The following ICMT variants were observed in gnomAD, a reference collection of about 807,000 sequenced individuals.
The protein encoded by ICMT is protein-S-isoprenylcysteine O-methyltransferase.
In ICMT, 10 loss-of-function variants were observed where a neutral mutation model predicts 32.2. The observed-to-expected ratio is 0.31, with a 90% CI of 0.19 to 0.53. The LOEUF is 0.53. Ranked by LOEUF, ICMT falls within the 20% of genes least tolerant of loss-of-function variation. The probability of loss-of-function intolerance (pLI) is 0.96; values close to 1 mark genes in which losing one functional copy is unlikely to be tolerated. For synonymous variants in ICMT, 183 were observed against 158.2 expected (o/e 1.16, Z -1.18); for missense variants, 265 against 356.9 (o/e 0.74, Z 2.07).
At chr1:6,234,050 T>A (rs555032450) in intron 2 of ICMT, among the ~76,000 whole-genome samples, 20 of 152,322 alleles carry the variant, frequency 1.3e-4, no homozygotes, top group Admixed American at 2.6e-4. Flanking sequence ...GGTTTCGCTA[T>A]GTTGGCAAGG....
chr1:6,230,301 G>A (rs1426013365), intron 4 of ICMT, among the ~76,000 whole-genome samples: 1 of 152,148 alleles, frequency 6.6e-6, no homozygotes, highest in African/African-American at 2.4e-5. Flanking sequence ...TTTTAATAGA[G>A]ATGGGGTTTT....
chr1:6,228,705 T>C (rs901368882), intron 4 of ICMT, among the ~76,000 whole-genome samples: 2 of 152,014 alleles, frequency 1.3e-5, no homozygotes, highest in African/African-American at 4.8e-5. Context: ...CCAAAGCCAC[T>C]GTGCCTAGCC....
At chr1:6,232,516 G>A (rs763240226) in intron 3 of ICMT, among the ~76,000 whole-genome samples, 1 of 152,232 alleles carries the variant, frequency 6.6e-6, no homozygotes, top group Non-Finnish European at 1.5e-5. Flanking sequence ...CATTGGCTGT[G>A]AGACATTCAA....
At position 6,231,996 on chromosome 1, in the gene ICMT, T is replaced by C; in HGVS notation, c.578A>G (p.Lys193Arg). The C allele has an allele frequency of 6.2e-7, 1 of 1,614,154 alleles. No individual in the cohort carries two copies. Among genetic ancestry groups the C allele is most frequent in the Non-Finnish European group, 8.5e-7 (1 of 1,180,008 alleles). Residue 193 changes from lysine (K) to arginine (R), a missense_variant, in exon 4 of 5, where the codon AAA (lysine) becomes AGA (arginine). Physicochemically the swap from Lys to Arg is conservative, Grantham distance 26. Transcript: ENST00000343813. ...GGTCACCAGAGTATGTGTATCTGAT[T>C]TTTCATTCTGTACCACGTGGTTGAA... ...SNFNHVVQNE[K>R]SDTHTLVTSG...
At chr1:6,234,275 A>G in intron 2 of ICMT, 2 of 356,080 alleles carry the variant, frequency 5.6e-6, no homozygotes, top group South Asian at 4.3e-5. Context: ...ACAATAAAAC[A>G]TGAAAGAGGG....
chr1:6,234,772 C>T, intron 2 of ICMT, 114 bp downstream of exon 2: 2 of 814,630 alleles, frequency 2.5e-6, no homozygotes, highest in Non-Finnish European at 4.2e-6. Flanking sequence ...TTCCAGAGAA[C>T]CCTGAACAGC....
At chr1:6,229,499 A>AAATAC (rs1237216335) in intron 4 of ICMT, among the ~76,000 whole-genome samples, 5 of 151,838 alleles carry the variant, frequency 3.3e-5, no homozygotes, top group Non-Finnish European at 7.4e-5. Context: ...ATTAATTAAA[A>AAATAC]AATACAAAAA....
In ICMT at chr1:6,222,941, G is replaced by C. The variant is rs1257702282; in HGVS notation, c.*2139C>G. ...AGGCGTGGTCTAAAGGACAAGTTTAGAAATGATTCAACTCAAGTTCCTAAA... is the reference window on the plus strand; with the variant it reads ...AGGCGTGGTCTAAAGGACAAGTTTACAAATGATTCAACTCAAGTTCCTAAA... On this transcript the variant is annotated 3_prime_UTR_variant, in exon 5 of 5. Coordinates refer to ENST00000343813, the MANE Select transcript of ICMT (RefSeq NM_012405.4). 1 of 152,268 alleles carries C rather than the reference G, an allele frequency of 6.6e-6. No individual in the cohort carries two copies. Among genetic ancestry groups the C allele is most frequent in the African/African-American group, 2.4e-5 (1 of 41,460 alleles). The allele number at this position is 152,268 out of a possible 1,614,324, so 9.4% of individuals were successfully genotyped here.
chr1:6,229,825 T>TAC (rs1171559473), intron 4 of ICMT, among the ~76,000 whole-genome samples: 4 of 128,740 alleles, frequency 3.1e-5, no homozygotes, highest in African/African-American at 1.2e-4. Flanking sequence ...CACACACACA[T>TAC]AGAGCAGGTG....
At chr1:6,235,003 A>C in intron 1 of ICMT, 29 bp from the exon 2 acceptor site, 1 of 1,573,776 alleles carries the variant, frequency 6.4e-7, no homozygotes. Context: ...AAGCTCAGTC[A>C]TTCACAGTCC....
chr1:6,232,762 G>A lies in ICMT; in HGVS notation c.455-643C>T, dbSNP rs569899349. Reference sequence around the variant, plus strand: ...GGGGTTTTACCATGCTGGTCAGGCTGGTTTCAAACTCCTGACCTCATGTGA... The same window carrying A: ...GGGGTTTTACCATGCTGGTCAGGCTAGTTTCAAACTCCTGACCTCATGTGA... On this transcript the variant is annotated intron_variant, in intron 3 of 4. Coordinates refer to ENST00000343813, the MANE Select transcript of ICMT (RefSeq NM_012405.4). Among the ~76,000 whole-genome samples, 33 of 152,270 alleles carry A rather than the reference G, an allele frequency of 2.2e-4. No homozygotes were observed. The South Asian group carries it at 6.4e-3, about 30-fold the overall frequency.
intron 4 of ICMT, among the ~76,000 whole-genome samples, chr1:6,231,521 A>G (rs886794712): frequency 1.1e-4 from 16 of 151,710 alleles, no homozygotes; most frequent in Non-Finnish European, 2.4e-4. Flanking sequence ...TGCCCAGGCA[A>G]CACAGTAAGA....
At position 6,225,278 on chromosome 1, in the gene ICMT, ACC is replaced by A. The variant is rs1557600531; in HGVS notation, c.673-18_673-17del. 1.9e-6 allele frequency: 3 copies of A among 1,609,724 alleles called. No homozygotes were observed. Among genetic ancestry groups the A allele is most frequent in the Non-Finnish European group, 2.5e-6 (3 of 1,178,156 alleles). ...ACAGCATCACCTAACAGAGGGAGAC[ACC>A]AGGCTCATCAGGGTGACCGTGGGAT... is the stretch of plus-strand genomic sequence containing the variant. On this transcript the variant is annotated splice_polypyrimidine_tract_variant and intron_variant, in intron 4 of 4. Coordinates refer to ENST00000343813, the MANE Select transcript of ICMT (RefSeq NM_012405.4).
At chr1:6,225,971 C>T (rs900693777) in intron 4 of ICMT, among the ~76,000 whole-genome samples, 1 of 152,056 alleles carries the variant, frequency 6.6e-6, no homozygotes, top group African/African-American at 2.4e-5. Context: ...TCTCCCACCT[C>T]AGCCTCCCAA....
At chr1:6,232,529 T>C (rs978735714) in intron 3 of ICMT, among the ~76,000 whole-genome samples, 3 of 152,166 alleles carry the variant, frequency 2.0e-5, no homozygotes, top group Non-Finnish European at 4.4e-5. Flanking sequence ...ACATTCAATT[T>C]CAGAGTGCAT....
In ICMT at chr1:6,224,762, A is replaced by G. The variant is rs927344766; in HGVS notation, c.*318T>C. On this transcript the variant is annotated 3_prime_UTR_variant, in exon 5 of 5. Coordinates refer to ENST00000343813, the MANE Select transcript of ICMT (RefSeq NM_012405.4). Reference sequence around the variant, plus strand: ...CGAGTCCTGGTTATCCTTTACTTACACTCTGGCCTCGGGGGCAGTGGCGTG... The same window carrying G: ...CGAGTCCTGGTTATCCTTTACTTACGCTCTGGCCTCGGGGGCAGTGGCGTG... 16 of 277,884 alleles carry G rather than the reference A, an allele frequency of 5.8e-5. No homozygotes were observed. Among genetic ancestry groups the G allele is most frequent in the Non-Finnish European group, 8.6e-5 (13 of 150,332 alleles). The allele number at this position is 277,884 out of a possible 1,614,324, so 17.2% of individuals were successfully genotyped here.
chr1:6,227,945 A>G (rs1231847638), intron 4 of ICMT, among the ~76,000 whole-genome samples: 1 of 151,998 alleles, frequency 6.6e-6, no homozygotes, highest in Non-Finnish European at 1.5e-5. Context: ...CAGTGAGAGG[A>G]CTGCTTGAGC....
rs939342472 is a variant in ICMT at position 6,222,149 on chromosome 1, G to T, written c.*2931C>A. On this transcript the variant is annotated 3_prime_UTR_variant, in exon 5 of 5. Transcript: ENST00000343813. ...TAAGGAGTTCATCTTGGCTGGGCGTGGTGGCTCACGCCTGTAATCCCAGCA... is the reference window on the plus strand; with the variant it reads ...TAAGGAGTTCATCTTGGCTGGGCGTTGTGGCTCACGCCTGTAATCCCAGCA... The T allele has an allele frequency of 6.6e-6, 1 of 152,270 alleles. No homozygotes were observed. The highest frequency in any genetic ancestry group is 6.5e-5 in the Admixed American group (1 of 15,270). 9.4% of individuals were successfully genotyped at this position (152,270 alleles called of 1,614,324 possible).
In ICMT at chr1:6,235,746, G is replaced by A; in HGVS notation, c.166C>T (p.Leu56=). 7.5e-7 allele frequency: 1 copy of A among 1,332,212 alleles called. No homozygotes were observed. The highest frequency in any genetic ancestry group is 9.7e-7 in the Non-Finnish European group (1 of 1,031,900). 82.5% of individuals were successfully genotyped at this position (1,332,212 alleles called of 1,614,324 possible). The change falls in exon 1 of 5, where the codon CTG becomes TTG. Residue 56 remains leucine, a synonymous_variant. Transcript: ENST00000343813. The stretch of plus-strand genomic sequence containing the variant: ...TAGCGAGGCGGCCGATAGAGCAGCA[G>A]CAGCAGCGCGTTGAGCCCGGCCACG... The part of the protein sequence containing the change: ...LYVAGLNALL[L]LLYRPPRYQI...
Sources: allele counts gnomAD v4.1 joint callset (sites outside exome capture counted in the v4.1 genomes callset), GRCh38; gene constraint gnomAD v4.1.1; transcripts MANE v1.5; gene names NCBI Gene and HGNC (gene_info 2026-07-23, HGNC 2026-07-21).